Variants in SDK1 observed in about 807,000 individuals in gnomAD.
The protein encoded by SDK1 is protein sidekick-1.
Under a neutral mutation model 245.5 loss-of-function variants are expected in SDK1, and 157 were observed. The observed-to-expected ratio is 0.64, with a 90% CI of 0.56 to 0.73. The LOEUF (loss-of-function observed/expected upper bound fraction) is 0.73, where lower values mean the gene tolerates loss of function less well. Among genes scored for constraint, SDK1 ranks in the 30% least tolerant of loss-of-function variants. SDK1 has a pLI of 0.00. For missense variants in SDK1, 3,583 were observed against 3,002.3 expected, an observed-to-expected ratio of 1.19 and a Z score of -4.52; for synonymous variants, 1,647 against 1,278.5, an observed-to-expected ratio of 1.29 and a Z score of -6.15.
At chr7:3,699,317 G>C (rs756142070) in intron 4 of SDK1, among the ~76,000 whole-genome samples, 1 of 152,074 alleles carries the variant, frequency 6.6e-6, no homozygotes, top group Non-Finnish European at 1.5e-5. Context: ...AGAGATGTCC[G>C]ACCAGCATTT....
chr7:3,930,933 C>T (rs1471609311), intron 5 of SDK1, among the ~76,000 whole-genome samples: 1 of 152,158 alleles, frequency 6.6e-6, no homozygotes, highest in Non-Finnish European at 1.5e-5. Flanking sequence ...TATCTATAGC[C>T]ATTTCTTAGA....
intron 5 of SDK1, among the ~76,000 whole-genome samples, chr7:3,873,244 A>C (rs2079377): frequency 0.28 from 43,311 of 151,978 alleles, 7,403 homozygotes; most frequent in African/African-American, 0.48. Context: ...GTTTTTCTTT[A>C]AACATTTGAT....
At position 3,497,560 on chromosome 7, in the gene SDK1, C is replaced by T. The variant is rs930355532; in HGVS notation, c.299-121520C>T. Reference sequence around the variant, plus strand: ...AATATAATACCATATATGATCTTGTCTCAACCTGTAACACACACATCTTCA... The same window carrying T: ...AATATAATACCATATATGATCTTGTTTCAACCTGTAACACACACATCTTCA... On this transcript the variant is annotated intron_variant, in intron 1 of 44. Transcript: ENST00000404826. Among the ~76,000 whole-genome samples the T allele has an allele frequency of 3.9e-5, 6 of 152,262 alleles. No individual in the cohort carries two copies. The East Asian group carries it at 1.2e-3, about 29-fold the overall frequency.
At chr7:3,461,768 C>T (rs545100179) in intron 1 of SDK1, among the ~76,000 whole-genome samples, 2 of 152,196 alleles carry the variant, frequency 1.3e-5, no homozygotes, top group Non-Finnish European at 2.9e-5. Flanking sequence ...ACAGAAATGA[C>T]TGACCTGCAT....
chr7:3,489,739 T>A (rs529914180), intron 1 of SDK1, among the ~76,000 whole-genome samples: 2 of 152,330 alleles, frequency 1.3e-5, no homozygotes, highest in African/African-American at 4.8e-5. Flanking sequence ...TAAAAAATAA[T>A]TGGTTTAACA....
At chr7:4,259,246 C>A (rs983286229) in intron 44 of SDK1, among the ~76,000 whole-genome samples, 8 of 152,268 alleles carry the variant, frequency 5.3e-5, no homozygotes, top group African/African-American at 7.2e-5. Context: ...CGAGACCAGC[C>A]TGGCCAACAC....
At chr7:3,669,262 A>G (rs1381238936) in intron 4 of SDK1, among the ~76,000 whole-genome samples, 1 of 152,162 alleles carries the variant, frequency 6.6e-6, no homozygotes, top group Non-Finnish European at 1.5e-5. Flanking sequence ...GGGGATTAAA[A>G]ACCTGTTAAA....
chr7:3,865,675 A>AT (rs1162414385), intron 5 of SDK1, among the ~76,000 whole-genome samples: 1 of 145,416 alleles, frequency 6.9e-6, no homozygotes, highest in Non-Finnish European at 1.5e-5. Flanking sequence ...CGTCTGGCTT[A>AT]TTTTTTTCTT....
chr7:3,818,672 A>G (rs1779570269), intron 4 of SDK1, among the ~76,000 whole-genome samples: 1 of 152,234 alleles, frequency 6.6e-6, no homozygotes, highest in South Asian at 2.1e-4. Flanking sequence ...AACAGGAAGT[A>G]TCTGAGCTCA....
At chr7:3,631,529 C>T (rs976976240) in intron 2 of SDK1, among the ~76,000 whole-genome samples, 1 of 152,206 alleles carries the variant, frequency 6.6e-6, no homozygotes, top group Non-Finnish European at 1.5e-5. Context: ...ACAGCAAGGA[C>T]AGCAGGTGCT....
intron 5 of SDK1, among the ~76,000 whole-genome samples, chr7:3,908,814 A>G (rs562385607): frequency 1.7e-4 from 26 of 151,492 alleles, no homozygotes; most frequent in African/African-American, 6.3e-4. Context: ...GGGGGGACTT[A>G]GGAGGAAAGA....
intron 1 of SDK1, among the ~76,000 whole-genome samples, chr7:3,592,848 C>A (rs551653252): frequency 6.6e-6 from 1 of 152,190 alleles, no homozygotes; most frequent in Admixed American, 6.5e-5. Flanking sequence ...TTTTGAAACA[C>A]TGATGGGTTT....
chr7:3,707,013 CATTG>C (rs557998357), intron 4 of SDK1, among the ~76,000 whole-genome samples: 2 of 152,084 alleles, frequency 1.3e-5, no homozygotes, highest in East Asian at 3.9e-4. Flanking sequence ...ATTTTTGTTT[CATTG>C]ATATTTTGTT....
At chr7:3,312,694 A>T (rs1375962898) in intron 1 of SDK1, among the ~76,000 whole-genome samples, 1 of 152,180 alleles carries the variant, frequency 6.6e-6, no homozygotes, top group Non-Finnish European at 1.5e-5. Context: ...TTCTTCGAAT[A>T]CAGTAATAAG....
intron 3 of SDK1, among the ~76,000 whole-genome samples, chr7:3,640,906 A>G (rs1782628601): frequency 6.6e-6 from 1 of 152,012 alleles, no homozygotes; most frequent in African/African-American, 2.4e-5. Context: ...CTGGTGTCAA[A>G]TTCCTGACCT....
chr7:3,671,820 C>G (rs1160492531), intron 4 of SDK1, among the ~76,000 whole-genome samples: 1 of 152,120 alleles, frequency 6.6e-6, no homozygotes, highest in Non-Finnish European at 1.5e-5. Flanking sequence ...AGTGGGAAAT[C>G]TTTGAAACCA....
chr7:3,864,352 C>A (rs1687005785), intron 5 of SDK1, among the ~76,000 whole-genome samples: 1 of 151,990 alleles, frequency 6.6e-6, no homozygotes, highest in Non-Finnish European at 1.5e-5. Flanking sequence ...TTTAATGGGG[C>A]TTTGGGAGGG....
intron 5 of SDK1, among the ~76,000 whole-genome samples, chr7:3,893,583 A>G (rs929033985): frequency 2.0e-5 from 3 of 151,802 alleles, no homozygotes; most frequent in Non-Finnish European, 2.9e-5. Context: ...TGTAGATGTC[A>G]AGCTTTCTGC....
At chr7:4,115,976 G>A (rs1009678268) in intron 25 of SDK1, among the ~76,000 whole-genome samples, 6 of 152,314 alleles carry the variant, frequency 3.9e-5, no homozygotes, top group East Asian at 1.9e-4. Context: ...GGCGGATGAC[G>A]TGGGGGCACA....
Sources: gnomAD v4.1 joint callset for allele counts (sites outside exome capture counted in the v4.1 genomes callset) on GRCh38, gnomAD v4.1.1 for gene constraint, MANE v1.5 for transcripts, NCBI Gene and HGNC (gene_info 2026-07-23, HGNC 2026-07-21) for gene names.